Variants in CALN1 observed in about 807,000 individuals in gnomAD.
CALN1 encodes calcium-binding protein 8.
CALN1 carries 17 observed loss-of-function variants against 30.6 expected under a neutral mutation model. That is an observed-to-expected ratio of 0.56 (90% CI 0.38 to 0.83). The LOEUF (loss-of-function observed/expected upper bound fraction) is 0.83, where lower values mean the gene tolerates loss of function less well. CALN1 is among the 40% of genes least tolerant of loss of function. The pLI, the probability that CALN1 is intolerant of heterozygous loss-of-function variation, is 0.00. For missense variants in CALN1, 291 were observed against 354.9 expected (o/e 0.82, Z 1.45); for synonymous variants, 156 against 131.4 (o/e 1.19, Z -1.28).
At chr7:72,411,160 A>G (rs1161925726) in intron 1 of CALN1, among the ~76,000 whole-genome samples, 1 of 152,248 alleles carries the variant, frequency 6.6e-6, no homozygotes, top group Non-Finnish European at 1.5e-5. Flanking sequence ...AGATTTGAAA[A>G]AAACTATCAA....
intron 3 of CALN1, among the ~76,000 whole-genome samples, chr7:72,142,399 C>T (rs1320466791): frequency 6.6e-6 from 1 of 152,180 alleles, no homozygotes; most frequent in African/African-American, 2.4e-5. Flanking sequence ...TGAGATCGAA[C>T]TACAACGCGG....
intron 5 of CALN1, among the ~76,000 whole-genome samples, chr7:72,018,801 A>G (rs771016518): frequency 5.3e-5 from 8 of 152,088 alleles, no homozygotes; most frequent in Non-Finnish European, 1.0e-4. Flanking sequence ...ATAGGCTAGA[A>G]CACCAGTAAG....
the CALN1 span, among the ~76,000 whole-genome samples, chr7:72,499,811 TTCCTTCCTTCCTTCC>T: frequency 8.3e-5 from 5 of 60,274 alleles, no homozygotes; most frequent in African/African-American, 4.6e-4. Context: ...CCTTCCTTCC[TTCCTTCCTTCCTTCC>T]TTCTTTCTTT....
At chr7:72,421,345 G>A (rs572053009) in intron 1 of CALN1, among the ~76,000 whole-genome samples, 1 of 152,144 alleles carries the variant, frequency 6.6e-6, no homozygotes, top group South Asian at 2.1e-4. Flanking sequence ...AGCTATGAGT[G>A]AAATAACTCA....
intron 4 of CALN1, among the ~76,000 whole-genome samples, chr7:72,062,511 C>CAAAAAAAAAAAA (rs376093442): frequency 1.7e-5 from 1 of 59,350 alleles, no homozygotes; most frequent in Non-Finnish European, 3.1e-5. Context: ...GACTCTATCT[C>CAAAAAAAAAAAA]AAAAAAAAAA....
At chr7:71,866,974 G>A (rs1279710538) in intron 5 of CALN1, among the ~76,000 whole-genome samples, 2 of 151,848 alleles carry the variant, frequency 1.3e-5, no homozygotes, top group East Asian at 3.9e-4. Context: ...GTGAAACCCC[G>A]TCTCTACTAA....
At chr7:72,398,873 C>T (rs1343166253) in intron 2 of CALN1, among the ~76,000 whole-genome samples, 2 of 152,226 alleles carry the variant, frequency 1.3e-5, no homozygotes, top group Non-Finnish European at 2.9e-5. Context: ...TCACACCCAA[C>T]CCTTCCATTA....
chr7:72,100,136 C>CT (rs896156194), intron 4 of CALN1, among the ~76,000 whole-genome samples: 3 of 142,754 alleles, frequency 2.1e-5, no homozygotes, highest in Admixed American at 7.4e-5. Flanking sequence ...ACGCTTAAAT[C>CT]TTTTTTTTAA....
intron 1 of CALN1, among the ~76,000 whole-genome samples, chr7:72,410,782 T>A (rs1807074653): frequency 6.6e-6 from 1 of 151,846 alleles, no homozygotes; most frequent in Non-Finnish European, 1.5e-5. Flanking sequence ...CACCTCCGTA[T>A]CAGCTCACGA....
At chr7:71,852,630 CCAAA>C (rs1340454006) in intron 5 of CALN1, among the ~76,000 whole-genome samples, 2 of 152,032 alleles carry the variant, frequency 1.3e-5, no homozygotes, top group African/African-American at 2.4e-5. Context: ...ACAGAAACTG[CCAAA>C]CAGTTTTCCA....
intron 5 of CALN1, among the ~76,000 whole-genome samples, chr7:71,837,048 A>G (rs1789655304): frequency 6.7e-6 from 1 of 149,298 alleles, no homozygotes; most frequent in East Asian, 2.1e-4. Flanking sequence ...CCTGGCCAAC[A>G]TGGTGAAACC....
chr7:72,261,354 CAT>C (rs777063615), intron 3 of CALN1, among the ~76,000 whole-genome samples: 3 of 151,832 alleles, frequency 2.0e-5, no homozygotes, highest in African/African-American at 7.3e-5. Flanking sequence ...TATCCGTACA[CAT>C]GAGCATGTAA....
chr7:71,862,564 C>A (rs1229526646), intron 5 of CALN1, among the ~76,000 whole-genome samples: 12 of 152,168 alleles, frequency 7.9e-5, no homozygotes, highest in Admixed American at 7.9e-4. Context: ...GTCTATTACA[C>A]CTCTTTCTTT....
intron 5 of CALN1, among the ~76,000 whole-genome samples, chr7:71,972,345 G>A (rs1475176539): frequency 6.6e-6 from 1 of 152,156 alleles, no homozygotes; most frequent in African/African-American, 2.4e-5. Flanking sequence ...AAAATTGTGT[G>A]GGCCAAAAGA....
chr7:72,369,634 T>C (rs368118900), intron 2 of CALN1, among the ~76,000 whole-genome samples: 1 of 152,176 alleles, frequency 6.6e-6, no homozygotes, highest in Non-Finnish European at 1.5e-5. Flanking sequence ...GTGCTGGGAT[T>C]ACAAGCGTAA....
chr7:72,404,785 T>C (rs1806589709), intron 1 of CALN1, among the ~76,000 whole-genome samples: 1 of 152,196 alleles, frequency 6.6e-6, no homozygotes, highest in African/African-American at 2.4e-5. Flanking sequence ...GGAAGAAGGC[T>C]TGAAGAGCTG....
intron 4 of CALN1, among the ~76,000 whole-genome samples, chr7:72,064,269 G>A (rs369047692): frequency 9.1e-5 from 13 of 142,236 alleles, no homozygotes; most frequent in African/African-American, 3.2e-4. Flanking sequence ...GTGACAGAGT[G>A]AGACTCCATC....
At chr7:72,348,539 A>G (rs976041379) in intron 2 of CALN1, among the ~76,000 whole-genome samples, 3 of 152,252 alleles carry the variant, frequency 2.0e-5, no homozygotes, top group African/African-American at 7.2e-5. Flanking sequence ...GTGCATAAAG[A>G]GACAAATCCC....
rs889848092 is a variant in CALN1 at position 71,781,902 on chromosome 7, A to T, written c.*5873T>A. 2 of 152,110 alleles carry T rather than the reference A, an allele frequency of 1.3e-5. No individual in the cohort carries two copies. Among genetic ancestry groups the T allele is most frequent in the African/African-American group, 4.8e-5 (2 of 41,398 alleles). 9.4% of individuals were successfully genotyped at this position (152,110 alleles called of 1,614,324 possible). A position where few individuals can be genotyped will look rare whatever the true frequency, so the allele number is the denominator to read the frequency against. The stretch of plus-strand genomic sequence containing the variant: ...TTGTGGGTGGGACTGGAAAAACCTC[A>T]TTCTTTGTGATATATTTCCAGTCAA... On this transcript the variant is annotated 3_prime_UTR_variant, in exon 7 of 7. Coordinates refer to ENST00000395275, the MANE Select transcript of CALN1 (RefSeq NM_031468.4).
Sources: gnomAD v4.1 joint callset for allele counts (sites outside exome capture counted in the v4.1 genomes callset) on GRCh38, gnomAD v4.1.1 for gene constraint, MANE v1.5 for transcripts, NCBI Gene and HGNC (gene_info 2026-07-23, HGNC 2026-07-21) for gene names.